The following FBXO11 variants were observed in gnomAD, a reference collection of about 807,000 sequenced individuals.
The protein encoded by FBXO11 is F-box only protein 11.
Under a neutral mutation model 117.0 loss-of-function variants are expected in FBXO11, and 13 were observed. That is an observed-to-expected ratio of 0.11 (90% CI 0.07 to 0.18). The LOEUF is 0.18. Among genes scored for constraint, FBXO11 ranks in the 10% least tolerant of loss-of-function variants. The pLI is 1.00. For missense variants in FBXO11, 767 were observed against 1,164.4 expected, an observed-to-expected ratio of 0.66 and a Z score of 4.97; for synonymous variants, 490 against 380.5, an observed-to-expected ratio of 1.29 and a Z score of -3.35.
At chr2:47,879,200 T>C (rs896133383) in intron 1 of FBXO11, among the ~76,000 whole-genome samples, 4 of 152,234 alleles carry the variant, frequency 2.6e-5, no homozygotes, top group African/African-American at 9.6e-5. Context: ...CCCCTACTGA[T>C]GGACATCTGG....
chr2:47,819,335 C>G (rs183097706), intron 14 of FBXO11, among the ~76,000 whole-genome samples: 47 of 152,174 alleles, frequency 3.1e-4, no homozygotes, highest in Non-Finnish European at 5.7e-4. Context: ...TCTGCCTCAG[C>G]TTCCCAAGTA....
At chr2:47,819,162 A>C in intron 14 of FBXO11, 84 bp from the exon 15 acceptor site, 1 of 1,414,476 alleles carries the variant, frequency 7.1e-7, no homozygotes. Context: ...TAGACAGTTA[A>C]AAAATTTTCC....
chr2:47,811,440 C>T (rs1255684128), intron 18 of FBXO11: 1 of 152,262 alleles, frequency 6.6e-6, no homozygotes, highest in Non-Finnish European at 1.5e-5. Context: ...GTCTCAAACT[C>T]CTGACCTCAA....
At chr2:47,905,001 G>T (rs948061699) in intron 1 of FBXO11, 3 of 152,078 alleles carry the variant, frequency 2.0e-5, no homozygotes, top group African/African-American at 7.3e-5. Context: ...CTCCTCCTCA[G>T]GAAGGGGTAG....
rs187759297 is a variant in FBXO11 at position 47,874,773 on chromosome 2, G to A, written c.232+30716C>T. ...TGGTCTCTAACTCCTGGCCTCAAGC[G>A]ATCCACCCGCCTCAGCCTCCCAAAG... On this transcript the variant is annotated intron_variant, in intron 1 of 22. Coordinates refer to ENST00000403359, the MANE Select transcript of FBXO11 (RefSeq NM_001190274.2). 2.0e-4 allele frequency among the ~76,000 whole-genome samples: 31 copies of A among 151,606 alleles called. No homozygotes were observed. The East Asian group carries it at 5.0e-3, about 25-fold the overall frequency.
intron 1 of FBXO11, among the ~76,000 whole-genome samples, chr2:47,848,005 T>A (rs567733265): frequency 2.0e-5 from 3 of 151,760 alleles, no homozygotes; most frequent in Non-Finnish European, 4.4e-5. Context: ...GTGCTTGTAG[T>A]CCCAGCTACT....
intron 18 of FBXO11, among the ~76,000 whole-genome samples, chr2:47,812,154 T>G (rs1163194308): frequency 6.6e-6 from 1 of 152,266 alleles, no homozygotes; most frequent in Non-Finnish European, 1.5e-5. Context: ...CTCAATTTTC[T>G]GTACCTCTTC....
At chr2:47,862,054 G>A (rs572538863) in intron 1 of FBXO11, among the ~76,000 whole-genome samples, 199 of 151,956 alleles carry the variant, frequency 1.3e-3, no homozygotes, top group Non-Finnish European at 2.4e-3. Context: ...CTGGGATTAC[G>A]GGCGCACGCT....
At chr2:47,891,910 A>C (rs953479519) in intron 1 of FBXO11, among the ~76,000 whole-genome samples, 2 of 152,146 alleles carry the variant, frequency 1.3e-5, no homozygotes, top group Non-Finnish European at 2.9e-5. Context: ...TGCCATCTGT[A>C]TGTCTTCTCT....
intron 1 of FBXO11, among the ~76,000 whole-genome samples, chr2:47,864,886 C>CT (rs1455242902): frequency 6.6e-6 from 1 of 152,156 alleles, no homozygotes; most frequent in Non-Finnish European, 1.5e-5. Flanking sequence ...CAAGAACACT[C>CT]TTTCCTCATT....
intron 16 of FBXO11, 133 bp from the exon 17 acceptor site, chr2:47,814,000 G>T: frequency 1.6e-6 from 1 of 642,764 alleles, no homozygotes. Flanking sequence ...AGTCCAAGAT[G>T]CCCTGAGAAG....
chr2:47,829,005 C>T (rs1255347038), intron 11 of FBXO11, among the ~76,000 whole-genome samples: 1 of 151,362 alleles, frequency 6.6e-6, no homozygotes, highest in East Asian at 1.9e-4. Flanking sequence ...ACCTCCACCT[C>T]CCACCTCCCC....
chr2:47,881,754 C>CTT (rs59669634), intron 1 of FBXO11, among the ~76,000 whole-genome samples: 53 of 150,742 alleles, frequency 3.5e-4, no homozygotes, highest in Non-Finnish European at 4.1e-4. Flanking sequence ...ACATTTTAGT[C>CTT]TTTTTTTTTG....
intron 13 of FBXO11, among the ~76,000 whole-genome samples, chr2:47,820,749 G>T (rs1046300763): frequency 1.3e-5 from 2 of 152,186 alleles, no homozygotes; most frequent in Admixed American, 1.3e-4. Context: ...TGATCAGTAA[G>T]TATCTTTGTG....
At chr2:47,844,132 C>T (rs1673225440) in intron 1 of FBXO11, among the ~76,000 whole-genome samples, 1 of 152,200 alleles carries the variant, frequency 6.6e-6, no homozygotes, top group Non-Finnish European at 1.5e-5. Flanking sequence ...AACCCATCTA[C>T]TGCCAATTTC....
At chr2:47,881,927 T>G (rs527647659) in intron 1 of FBXO11, among the ~76,000 whole-genome samples, 201 of 152,314 alleles carry the variant, frequency 1.3e-3, no homozygotes, top group Non-Finnish European at 2.0e-3. Flanking sequence ...TTTATATTTT[T>G]GGTAGAGACA....
chr2:47,880,672 T>C lies in FBXO11; in HGVS notation c.232+24817A>G, dbSNP rs555946133. On this transcript the variant is annotated intron_variant, in intron 1 of 22. Coordinates refer to ENST00000403359, the MANE Select transcript of FBXO11 (RefSeq NM_001190274.2). Reference sequence around the variant, plus strand: ...TTTGCTATGTTATCTGACATATTGCTATTCACAACTATTAAATTTTCATTG... The same window carrying C: ...TTTGCTATGTTATCTGACATATTGCCATTCACAACTATTAAATTTTCATTG... 7.9e-5 allele frequency among the ~76,000 whole-genome samples: 12 copies of C among 152,360 alleles called. No individual in the cohort carries two copies. The East Asian group carries it at 1.5e-3, about 20-fold the overall frequency.
At chr2:47,812,012 T>C (rs1426257552) in intron 18 of FBXO11, among the ~76,000 whole-genome samples, 3 of 151,640 alleles carry the variant, frequency 2.0e-5, no homozygotes, top group Non-Finnish European at 4.4e-5. Flanking sequence ...ATTTATTGCC[T>C]GAGTTATTCC....
chr2:47,822,955 A>G (rs540767692), intron 12 of FBXO11, among the ~76,000 whole-genome samples, 188 bp downstream of exon 12: 8 of 152,344 alleles, frequency 5.3e-5, no homozygotes, highest in African/African-American at 1.4e-4. Flanking sequence ...AAAGAAAAAT[A>G]AAAACACCAA....
Sources: gnomAD v4.1 joint callset for allele counts (sites outside exome capture counted in the v4.1 genomes callset) on GRCh38, gnomAD v4.1.1 for gene constraint, MANE v1.5 for transcripts, NCBI Gene and HGNC (gene_info 2026-07-23, HGNC 2026-07-21) for gene names.